RPS6KC1: variants seen among roughly 807,000 people sequenced by gnomAD.
The protein encoded by RPS6KC1 is ribosomal protein S6 kinase C1, also known as inactive ribosomal protein S6 kinase delta-1.
RPS6KC1 carries 54 observed loss-of-function variants against 103.8 expected under a neutral mutation model. That is an observed-to-expected ratio of 0.52 (90% CI 0.42 to 0.65). The LOEUF (loss-of-function observed/expected upper bound fraction) is 0.65, where lower values mean the gene tolerates loss of function less well. RPS6KC1 is among the 30% of genes least tolerant of loss of function. The pLI, the probability that RPS6KC1 is intolerant of heterozygous loss-of-function variation, is 0.00. For missense variants in RPS6KC1, 1,151 were observed against 1,253.8 expected (o/e 0.92, Z 1.24); for synonymous variants, 439 against 438.7 (o/e 1.00, Z -0.01).
chr1:213,241,498 A>G lies in RPS6KC1; in HGVS notation c.2022A>G (p.Lys674=), dbSNP rs2094351475. The G allele has an allele frequency of 1.2e-6, 2 of 1,614,046 alleles. No individual in the cohort carries two copies. The highest frequency in any genetic ancestry group is 1.7e-6 in the Non-Finnish European group (2 of 1,179,948). The change falls in exon 11 of 15, where the codon AAA becomes AAG. Residue 674 remains lysine (K), a synonymous_variant. Transcript: ENST00000366960. ...SDDSVPVISF[K]DAAFDDVSGT... is the part of the protein sequence containing the mutation. ...ACTCAGTGCCAGTTATTTCATTTAA[A>G]GATGCTGCTTTTGATGATGTCAGTG...
chr1:213,235,594 A>G (rs1365701987), intron 10 of RPS6KC1, among the ~76,000 whole-genome samples: 1 of 152,066 alleles, frequency 6.6e-6, no homozygotes, highest in African/African-American at 2.4e-5. Context: ...GGCAAGAGAA[A>G]ACAAATAGGT....
chr1:213,578,741 G>T, the RPS6KC1 span, among the ~76,000 whole-genome samples: 2 of 152,074 alleles, frequency 1.3e-5, no homozygotes, highest in African/African-American at 4.8e-5. Flanking sequence ...GTATCCTATT[G>T]TATCTAGGAA....
the RPS6KC1 span, among the ~76,000 whole-genome samples, chr1:213,691,161 C>T: frequency 0.2 from 30,486 of 152,120 alleles, 3,685 homozygotes; most frequent in South Asian, 0.4. Flanking sequence ...CTCCCTGGCT[C>T]AGGGCCACCC....
chr1:213,535,811 G>A, the RPS6KC1 span, among the ~76,000 whole-genome samples: 6 of 152,116 alleles, frequency 3.9e-5, no homozygotes, highest in Non-Finnish European at 5.9e-5. Flanking sequence ...TTAGGCGCGA[G>A]GAGTCCCCCT....
the RPS6KC1 span, among the ~76,000 whole-genome samples, chr1:213,432,673 G>A: frequency 6.6e-6 from 1 of 151,110 alleles, no homozygotes; most frequent in Non-Finnish European, 1.5e-5. Context: ...CCACTGATCT[G>A]TTTTCTGTCA....
chr1:213,384,287 T>A, the RPS6KC1 span, among the ~76,000 whole-genome samples: 400 of 150,618 alleles, frequency 2.7e-3, 3 homozygotes, highest in African/African-American at 8.8e-3. Flanking sequence ...AAAAAAAATA[T>A]ATATATATAT....
chr1:213,390,297 G>T, the RPS6KC1 span, among the ~76,000 whole-genome samples: 1 of 152,130 alleles, frequency 6.6e-6, no homozygotes, highest in Admixed American at 6.5e-5. Flanking sequence ...GCTTGATTCC[G>T]TTTTCCAGAT....
At chr1:213,169,197 C>T (rs1315438319) in intron 7 of RPS6KC1, among the ~76,000 whole-genome samples, 1 of 152,124 alleles carries the variant, frequency 6.6e-6, no homozygotes, top group Non-Finnish European at 1.5e-5. Flanking sequence ...GGCTTATATA[C>T]TTTTTCCTAC....
the RPS6KC1 span, among the ~76,000 whole-genome samples, chr1:213,547,831 A>G: frequency 6.6e-6 from 1 of 152,160 alleles, no homozygotes; most frequent in African/African-American, 2.4e-5. Flanking sequence ...TGCTGTTGCC[A>G]TGCTTCTTGT....
rs1316165972 is a variant in RPS6KC1 at position 213,272,581 on chromosome 1, A to G, written c.3148A>G (p.Ile1050Val). Residue 1050 changes from isoleucine (I) to valine (V), a missense_variant, in exon 15 of 15, where the codon ATC becomes GTC. Transcript: ENST00000366960. ...TGCTGGAGTTGCTGGTGTTGAAGAT[A>G]TCAAATCTCATCCATTTTTTACCCC... Reference protein sequence around the residue: ...LGAGVAGVEDIKSHPFFTPVD... With the variant: ...LGAGVAGVEDVKSHPFFTPVD... 1 of 1,613,960 alleles carries G rather than the reference A, an allele frequency of 6.2e-7. No homozygotes were observed. The highest frequency in any genetic ancestry group is 1.3e-5 in the African/African-American group (1 of 74,924).
At chr1:213,383,767 G>A in the RPS6KC1 span, among the ~76,000 whole-genome samples, 1 of 133,652 alleles carries the variant, frequency 7.5e-6, no homozygotes, top group African/African-American at 2.8e-5. Context: ...GCATGCACAC[G>A]CACACAGGGA....
the RPS6KC1 span, among the ~76,000 whole-genome samples, chr1:213,748,318 G>A: frequency 5.9e-5 from 9 of 152,296 alleles, no homozygotes; most frequent in East Asian, 1.9e-4. Context: ...AACAATTCAC[G>A]TTAGTGAATA....
chr1:213,329,979 G>A, the RPS6KC1 span, among the ~76,000 whole-genome samples: 23 of 152,202 alleles, frequency 1.5e-4, no homozygotes, highest in Non-Finnish European at 2.1e-4. Flanking sequence ...GAGGGAGGTC[G>A]CTTTGTGCGG....
chr1:213,209,895 A>G (rs1287455414), intron 8 of RPS6KC1, among the ~76,000 whole-genome samples: 1 of 152,082 alleles, frequency 6.6e-6, no homozygotes, highest in African/African-American at 2.4e-5. Flanking sequence ...TTTTTAGACT[A>G]TATAGGACAA....
intron 2 of RPS6KC1, among the ~76,000 whole-genome samples, chr1:213,072,161 A>G (rs771064304): frequency 6.6e-6 from 1 of 151,664 alleles, no homozygotes; most frequent in Admixed American, 6.6e-5. Flanking sequence ...TTCCACAATT[A>G]AATATGAATG....
At chr1:213,146,088 CAT>C (rs2087782188) in intron 6 of RPS6KC1, among the ~76,000 whole-genome samples, 1 of 102,104 alleles carries the variant, frequency 9.8e-6, no homozygotes, top group African/African-American at 3.1e-5. Flanking sequence ...CTCATGAATT[CAT>C]TTTTTTTTTT....
the RPS6KC1 span, among the ~76,000 whole-genome samples, chr1:213,440,968 G>A: frequency 6.6e-6 from 1 of 152,188 alleles, no homozygotes; most frequent in Non-Finnish European, 1.5e-5. Context: ...TGTGAAAACT[G>A]CTGAGGAACT....
the RPS6KC1 span, among the ~76,000 whole-genome samples, chr1:213,683,376 A>G: frequency 6.6e-6 from 1 of 152,128 alleles, no homozygotes; most frequent in Non-Finnish European, 1.5e-5. Context: ...GACAAACTGC[A>G]TTTGTCCTAA....
At chr1:213,229,722 A>G (rs1001236893) in intron 8 of RPS6KC1, among the ~76,000 whole-genome samples, 1 of 152,144 alleles carries the variant, frequency 6.6e-6, no homozygotes, top group African/African-American at 2.4e-5. Context: ...GCAATGTGTG[A>G]GAGGTTATGA....
Sources: allele counts gnomAD v4.1 joint callset (sites outside exome capture counted in the v4.1 genomes callset), GRCh38; gene constraint gnomAD v4.1.1; transcripts MANE v1.5; gene names NCBI Gene and HGNC (gene_info 2026-07-23, HGNC 2026-07-21).